The following MIGA1 variants were observed in gnomAD, a reference collection of about 807,000 sequenced individuals.
MIGA1 encodes mitoguardin 1.
A neutral mutation model predicts 82.0 loss-of-function variants in MIGA1; 58 were observed. The ratio of observed to expected loss-of-function variants is 0.71; its 90% CI spans 0.57 to 0.88. The LOEUF (loss-of-function observed/expected upper bound fraction) is 0.88. MIGA1 is among the 40% of genes least tolerant of loss of function. The pLI, the probability that MIGA1 is intolerant of heterozygous loss-of-function variation, is 0.00. For synonymous variants in MIGA1, 249 were observed against 253.6 expected, an observed-to-expected ratio of 0.98 and a Z score of 0.17; for missense variants, 751 against 749.1, an observed-to-expected ratio of 1.00 and a Z score of -0.03.
At chr1:77,865,794 CTTT>C (rs577015469) in intron 13 of MIGA1, among the ~76,000 whole-genome samples, 1 of 142,820 alleles carries the variant, frequency 7.0e-6, no homozygotes. Context: ...TATTATTTTA[CTTT>C]TTTTTTTTTG....
intron 8 of MIGA1, chr1:77,847,454 G>T: frequency 6.9e-7 from 1 of 1,449,490 alleles, no homozygotes; most frequent in Non-Finnish European, 9.7e-7. Flanking sequence ...TCAGAAAAAA[G>T]GAACAGGAAA....
intron 7 of MIGA1, among the ~76,000 whole-genome samples, chr1:77,824,075 A>G (rs969699442): frequency 5.3e-5 from 8 of 152,226 alleles, no homozygotes; most frequent in Admixed American, 5.2e-4. Flanking sequence ...AAATACTGAA[A>G]AGAAGATCTG....
intron 13 of MIGA1, among the ~76,000 whole-genome samples, chr1:77,865,761 G>A (rs550097402): frequency 6.6e-6 from 1 of 151,000 alleles, no homozygotes; most frequent in Non-Finnish European, 1.5e-5. Context: ...TTCCTTTAGT[G>A]GCTTTGTGTT....
At position 77,860,131 on chromosome 1, in the gene MIGA1, A is replaced by C. The variant is rs1685410057; in HGVS notation, c.1275+5A>C. ...TTAATTGTGAAAGCACGAAAGGTAA[A>C]CTTGTTCTGTTGGCAAGATTTTTAC... On this transcript the variant is annotated splice_donor_5th_base_variant and intron_variant, in intron 11 of 15. Transcript: ENST00000370791. 8.1e-6 allele frequency: 13 copies of C among 1,596,972 alleles called. No individual in the cohort carries two copies. The highest frequency in any genetic ancestry group is 5.4e-5 in the African/African-American group (4 of 74,340).
chr1:77,870,184 A>C (rs1205021236), intron 14 of MIGA1, among the ~76,000 whole-genome samples: 47 of 55,566 alleles, frequency 8.5e-4, no homozygotes, highest in Admixed American at 1.3e-3. Context: ...GGAGCCCCTC[A>C]CCTCCCGGAC....
intron 2 of MIGA1, among the ~76,000 whole-genome samples, chr1:77,789,231 G>A (rs1239037398): frequency 1.7e-4 from 23 of 133,272 alleles, no homozygotes; most frequent in South Asian, 1.0e-3. Flanking sequence ...TCTTTGAGAC[G>A]AGGTCTTGCT....
chr1:77,819,792 G>C (rs1683730681), intron 7 of MIGA1, among the ~76,000 whole-genome samples: 1 of 152,058 alleles, frequency 6.6e-6, no homozygotes, highest in Non-Finnish European at 1.5e-5. Context: ...GTGTTACCCA[G>C]GCTGGTCTCA....
intron 7 of MIGA1, among the ~76,000 whole-genome samples, chr1:77,842,546 T>G (rs547452764): frequency 1.3e-5 from 2 of 152,212 alleles, no homozygotes; most frequent in Admixed American, 1.3e-4. Flanking sequence ...TGAATTGTTT[T>G]TTTTTGTTGT....
At chr1:77,779,997 T>G in intron 1 of MIGA1, 1 of 1,231,584 alleles carries the variant, frequency 8.1e-7, no homozygotes, top group Non-Finnish European at 1.0e-6. Flanking sequence ...AGCAGGAGGG[T>G]CCCCACGCCA....
chr1:77,780,365 C>T (rs541070767), intron 1 of MIGA1, among the ~76,000 whole-genome samples: 2 of 152,180 alleles, frequency 1.3e-5, no homozygotes, highest in Admixed American at 6.5e-5. Flanking sequence ...TATCTATTTT[C>T]CAGAGGGAAG....
At chr1:77,869,705 C>T (rs1685839938) in intron 14 of MIGA1, among the ~76,000 whole-genome samples, 1 of 122,142 alleles carries the variant, frequency 8.2e-6, no homozygotes, top group Admixed American at 7.3e-5. Flanking sequence ...GGGCTGACCC[C>T]CCCACCTCCC....
At position 77,876,653 on chromosome 1, in the gene MIGA1, A is replaced by T. The variant is rs957301424; in HGVS notation, c.*1589A>T. 1 of 152,184 alleles carries T rather than the reference A, an allele frequency of 6.6e-6. No individual in the cohort carries two copies. The highest frequency in any genetic ancestry group is 1.5e-5 in the Non-Finnish European group (1 of 68,016). The allele number at this position is 152,184 out of a possible 1,614,324, so 9.4% of individuals were successfully genotyped here. On this transcript the variant is annotated 3_prime_UTR_variant, in exon 16 of 16. Transcript: ENST00000370791. ...AAACTCAGCCCAGTGGGAATTTGTC[A>T]TATTATGCCCATGTTTTAAAAATAT... is the stretch of plus-strand genomic sequence containing the variant.
At chr1:77,805,661 C>T (rs1428470895) in intron 4 of MIGA1, among the ~76,000 whole-genome samples, 1 of 151,670 alleles carries the variant, frequency 6.6e-6, no homozygotes, top group Non-Finnish European at 1.5e-5. Flanking sequence ...TCCCGAGTAG[C>T]TGGGATTACA....
chr1:77,859,981 A>C, intron 10 of MIGA1, 59 bp from the exon 11 acceptor site: 2 of 1,069,848 alleles, frequency 1.9e-6, no homozygotes, highest in Admixed American at 4.1e-5. Context: ...TATTAAGTTG[A>C]ATGTCCATTC....
At chr1:77,848,459 T>C (rs1158596920) in intron 8 of MIGA1, 9 of 952,270 alleles carry the variant, frequency 9.5e-6, no homozygotes, top group Non-Finnish European at 1.1e-5. Flanking sequence ...AAGAAGTAAG[T>C]GTTTGATCTT....
intron 1 of MIGA1, among the ~76,000 whole-genome samples, chr1:77,780,589 G>A (rs1681862950): frequency 6.6e-6 from 1 of 152,132 alleles, no homozygotes; most frequent in Non-Finnish European, 1.5e-5. Flanking sequence ...AGATGTCTAA[G>A]AAACTGTTTA....
intron 7 of MIGA1, among the ~76,000 whole-genome samples, chr1:77,827,432 C>G (rs536440954): frequency 6.6e-6 from 1 of 152,008 alleles, no homozygotes; most frequent in African/African-American, 2.4e-5. Context: ...TATGATCACA[C>G]CACCGCACTC....
chr1:77,787,338 A>G (rs1182478044), intron 2 of MIGA1, among the ~76,000 whole-genome samples: 2 of 150,230 alleles, frequency 1.3e-5, no homozygotes, highest in South Asian at 2.1e-4. Flanking sequence ...GTGCTTATTG[A>G]CCATTTATAT....
chr1:77,799,453 A>T (rs1257784703), intron 2 of MIGA1, among the ~76,000 whole-genome samples: 1 of 152,122 alleles, frequency 6.6e-6, no homozygotes, highest in Non-Finnish European at 1.5e-5. Context: ...ATGTTTTTAA[A>T]CTTAGGATGG....
Sources: allele counts gnomAD v4.1 joint callset (sites outside exome capture counted in the v4.1 genomes callset), GRCh38; gene constraint gnomAD v4.1.1; transcripts MANE v1.5; gene names NCBI Gene and HGNC (gene_info 2026-07-23, HGNC 2026-07-21).